The following COL23A1 variants were observed in gnomAD, a reference collection of about 807,000 sequenced individuals.
The protein encoded by COL23A1 is collagen type XXIII alpha 1 chain, also known as collagen alpha-1(XXIII) chain.
COL23A1 carries 97 observed loss-of-function variants against 99.3 expected under a neutral mutation model. That is an observed-to-expected ratio of 0.98 (90% CI 0.83 to 1.16). The LOEUF is 1.16. COL23A1 is among the 50% of genes most tolerant of loss of function. The probability of loss-of-function intolerance (pLI) is 0.00; values close to 1 mark genes in which losing one functional copy is unlikely to be tolerated. For synonymous variants in COL23A1, 320 were observed against 308.2 expected (o/e 1.04, Z -0.40); for missense variants, 762 against 757.4 (o/e 1.01, Z -0.07).
chr5:178,501,574 C>CA (rs11343683), intron 2 of COL23A1, among the ~76,000 whole-genome samples: 1,234 of 99,880 alleles, frequency 0.012, 15 homozygotes, highest in African/African-American at 0.037. Flanking sequence ...GGCTCTGTCT[C>CA]AAAAAAAAAA....
chr5:178,508,646 A>G (rs1025863066), intron 2 of COL23A1, among the ~76,000 whole-genome samples: 3 of 152,138 alleles, frequency 2.0e-5, no homozygotes, highest in Admixed American at 6.5e-5. Flanking sequence ...CGGGAGTTCT[A>G]TCTCCTCACT....
chr5:178,397,446 G>T (rs1764212427), intron 2 of COL23A1, among the ~76,000 whole-genome samples: 1 of 152,190 alleles, frequency 6.6e-6, no homozygotes, highest in Non-Finnish European at 1.5e-5. Context: ...AGTAACTGAG[G>T]CTTAACGAAG....
intron 2 of COL23A1, among the ~76,000 whole-genome samples, chr5:178,424,796 T>C (rs1457484274): frequency 3.3e-5 from 5 of 152,218 alleles, no homozygotes; most frequent in African/African-American, 1.2e-4. Flanking sequence ...ATGCAGATGA[T>C]AATCTCTCCT....
intron 1 of COL23A1, among the ~76,000 whole-genome samples, chr5:178,564,464 G>T (rs940488936): frequency 5.9e-4 from 90 of 151,368 alleles, no homozygotes; most frequent in African/African-American, 2.1e-3. Context: ...TTGTAAAAAT[G>T]ACTTAAAAGC....
intron 1 of COL23A1, among the ~76,000 whole-genome samples, chr5:178,573,909 A>G (rs1763226410): frequency 6.6e-6 from 1 of 151,756 alleles, no homozygotes; most frequent in Admixed American, 6.6e-5. Context: ...CCCAGGCTGG[A>G]GTACAGTGAT....
chr5:178,337,158 G>T (rs1581175978), intron 2 of COL23A1, among the ~76,000 whole-genome samples: 1 of 152,206 alleles, frequency 6.6e-6, no homozygotes, highest in Non-Finnish European at 1.5e-5. Context: ...GACACATTGC[G>T]CCAGGCCGGC....
In COL23A1 at chr5:178,343,088, C is replaced by A. The variant is rs561958982; in HGVS notation, c.362-36169G>T. On this transcript the variant is annotated intron_variant, in intron 2 of 28. Coordinates refer to ENST00000390654, the MANE Select transcript of COL23A1 (RefSeq NM_173465.4). ...ATTTTACATCCAGCCAACTGTCACC[C>A]AAGTGTGAGGGCATGGCCAACACAT... Among the ~76,000 whole-genome samples the A allele has an allele frequency of 7.2e-5, 11 of 152,322 alleles. No individual in the cohort carries two copies. In the South Asian group the frequency reaches 1.5e-3, roughly 20 times the overall value.
intron 2 of COL23A1, among the ~76,000 whole-genome samples, chr5:178,494,407 C>G (rs1758090598): frequency 6.6e-6 from 1 of 152,176 alleles, no homozygotes; most frequent in Admixed American, 6.5e-5. Flanking sequence ...CACAGGGACA[C>G]CTCTGCATCA....
intron 2 of COL23A1, among the ~76,000 whole-genome samples, chr5:178,462,696 CA>C (rs932591120): frequency 6.6e-6 from 1 of 152,070 alleles, no homozygotes; most frequent in Admixed American, 6.5e-5. Context: ...ACAACAAAAA[CA>C]AAAAAATCAA....
chr5:178,463,954 C>T (rs761207887), intron 2 of COL23A1, among the ~76,000 whole-genome samples: 2 of 152,198 alleles, frequency 1.3e-5, no homozygotes, highest in Admixed American at 6.5e-5. Context: ...GTGGGCCTCC[C>T]GGCCGGGCGT....
chr5:178,477,626 C>A (rs909086606), intron 2 of COL23A1, among the ~76,000 whole-genome samples: 1 of 152,258 alleles, frequency 6.6e-6, no homozygotes, highest in East Asian at 1.9e-4. Context: ...GAAGCAAAAA[C>A]CTTGAAGGAC....
intron 2 of COL23A1, among the ~76,000 whole-genome samples, chr5:178,351,567 G>A (rs570475661): frequency 6.6e-6 from 1 of 152,174 alleles, no homozygotes; most frequent in African/African-American, 2.4e-5. Context: ...TAACAGGAAG[G>A]ATGAGACAGA....
intron 1 of COL23A1, among the ~76,000 whole-genome samples, chr5:178,578,707 A>G (rs114461156): frequency 1.3e-5 from 2 of 148,716 alleles, no homozygotes; most frequent in African/African-American, 2.5e-5. Flanking sequence ...TCAGGAGAAT[A>G]GATTTTCTCA....
chr5:178,329,322 T>C (rs1013587203), intron 2 of COL23A1, among the ~76,000 whole-genome samples: 6 of 152,186 alleles, frequency 3.9e-5, no homozygotes, highest in African/African-American at 1.4e-4. Context: ...CTCAGACAAC[T>C]GGACGGGGCC....
chr5:178,502,012 G>C (rs1316876423), intron 2 of COL23A1, among the ~76,000 whole-genome samples: 1 of 152,248 alleles, frequency 6.6e-6, no homozygotes, highest in Non-Finnish European at 1.5e-5. Flanking sequence ...CAATCTGATA[G>C]GGAATAGGCA....
chr5:178,444,614 G>GTTT (rs2127846976), intron 2 of COL23A1, among the ~76,000 whole-genome samples: 1 of 152,190 alleles, frequency 6.6e-6, no homozygotes, highest in East Asian at 1.9e-4. Context: ...GGCCAAGATG[G>GTTT]TGAAAAGCCG....
chr5:178,270,310 C>T (rs997859650), intron 6 of COL23A1, 27 bp downstream of exon 6: 3 of 1,613,622 alleles, frequency 1.9e-6, no homozygotes, highest in Non-Finnish European at 2.5e-6. Flanking sequence ...GCCCAGGACC[C>T]CCTGGAATTG....
At chr5:178,531,157 G>A (rs566306950) in intron 2 of COL23A1, among the ~76,000 whole-genome samples, 165 of 152,300 alleles carry the variant, frequency 1.1e-3, no homozygotes, top group Admixed American at 2.6e-3. Flanking sequence ...GTGAGCCACC[G>A]TGCCTGGCTG....
chr5:178,319,886 C>CCCGCCCTA (rs2127624532), intron 2 of COL23A1, among the ~76,000 whole-genome samples: 1 of 81,200 alleles, frequency 1.2e-5, no homozygotes, highest in Non-Finnish European at 3.2e-5. Context: ...GGAGGCCTCC[C>CCCGCCCTA]CCGCCCTATC....
Sources: allele counts gnomAD v4.1 joint callset (sites outside exome capture counted in the v4.1 genomes callset), GRCh38; gene constraint gnomAD v4.1.1; transcripts MANE v1.5; gene names NCBI Gene and HGNC (gene_info 2026-07-23, HGNC 2026-07-21).